SUMF1: variants seen among roughly 807,000 people sequenced by gnomAD.
SUMF1 encodes the protein formylglycine-generating enzyme.
In SUMF1, 48 loss-of-function variants were observed where a neutral mutation model predicts 47.6. The ratio of observed to expected loss-of-function variants is 1.01; its 90% confidence interval spans 0.80 to 1.28. The LOEUF is 1.28. SUMF1 is among the 50% of genes most tolerant of loss of function. The probability of loss-of-function intolerance (pLI) is 0.00; values close to 1 mark genes in which losing one functional copy is unlikely to be tolerated. For missense variants in SUMF1, 571 were observed against 485.4 expected (o/e 1.18, Z -1.66); for synonymous variants, 230 against 192.1 (o/e 1.20, Z -1.63).
At chr3:4,244,646 C>G (rs1044421688) in intron 8 of SUMF1, among the ~76,000 whole-genome samples, 1 of 152,140 alleles carries the variant, frequency 6.6e-6, no homozygotes, top group Non-Finnish European at 1.5e-5. Flanking sequence ...GATGGGCTTC[C>G]CTTTGTGTGT....
intron 8 of SUMF1, among the ~76,000 whole-genome samples, chr3:4,243,145 T>C (rs781750236): frequency 6.6e-5 from 10 of 152,210 alleles, no homozygotes; most frequent in Non-Finnish European, 1.3e-4. Context: ...TATTTGATTC[T>C]TCCCTCTTTT....
chr3:4,318,862 C>T (rs536436292), intron 8 of SUMF1, among the ~76,000 whole-genome samples: 1 of 152,246 alleles, frequency 6.6e-6, no homozygotes, highest in East Asian at 1.9e-4. Context: ...GCTGAGATTA[C>T]ACCACTGCAC....
At chr3:4,041,159 G>A (rs950739938) in intron 9 of SUMF1, among the ~76,000 whole-genome samples, 6 of 152,056 alleles carry the variant, frequency 3.9e-5, no homozygotes, top group East Asian at 1.9e-4. Flanking sequence ...CGCAACCTCC[G>A]CCTCCGGAGT....
chr3:4,313,922 C>A, intron 8 of SUMF1: 1 of 1,309,642 alleles, frequency 7.6e-7, no homozygotes, highest in Non-Finnish European at 1.0e-6. Flanking sequence ...TAGAATTCTC[C>A]ATTTAACAAA....
Position 4,404,736 on chromosome 3 carries a change from T to G in SUMF1, c.954+6129A>C, listed in dbSNP as rs58537342. On this transcript the variant is annotated intron_variant, in intron 7 of 8. Coordinates refer to ENST00000272902, the MANE Select transcript of SUMF1 (RefSeq NM_182760.4). ...CTGAGATAGTGCCATTGCACTCCAG[T>G]CTGGGCAACAAGAACGAAACTCCGT... Among the ~76,000 whole-genome samples the G allele has an allele frequency of 2.2e-3, 328 of 152,134 alleles. 2 individuals carry two copies. The highest frequency in any genetic ancestry group is 7.6e-3 in the African/African-American group (317 of 41,516).
chr3:4,397,396 T>G (rs983487600), intron 7 of SUMF1, among the ~76,000 whole-genome samples: 2 of 152,206 alleles, frequency 1.3e-5, no homozygotes, highest in African/African-American at 4.8e-5. Flanking sequence ...GGGCCGCATA[T>G]GGTTCTAAGT....
At chr3:4,088,158 A>T (rs898445822) in intron 8 of SUMF1, among the ~76,000 whole-genome samples, 11 of 152,030 alleles carry the variant, frequency 7.2e-5, no homozygotes, top group Non-Finnish European at 1.5e-4. Context: ...TTCTCTTTGG[A>T]CACCTCTGAT....
At position 4,213,360 on chromosome 3, in the gene SUMF1, G is replaced by A. The variant is rs78101782; in HGVS notation, c.1015-144615C>T. On this transcript the variant is annotated intron_variant and NMD_transcript_variant, in intron 8 of 12. Transcript: ENST00000448413. ...TAAAATCCTTTACAGACAAGCAAAT[G>A]CTTTAAGATTTTGTCACCACCAGGC... is the stretch of plus-strand genomic sequence containing the variant. 5.3e-3 allele frequency among the ~76,000 whole-genome samples: 806 copies of A among 152,164 alleles called. 10 individuals are homozygous for A. Among genetic ancestry groups the A allele is most frequent in the African/African-American group, 0.018 (761 of 41,516 alleles).
chr3:4,303,944 A>G (rs949428285), intron 8 of SUMF1: 9 of 1,059,186 alleles, frequency 8.5e-6, no homozygotes, highest in Non-Finnish European at 8.6e-6. Flanking sequence ...AGTCAGCCTT[A>G]GCTGTGGTCT....
intron 8 of SUMF1, among the ~76,000 whole-genome samples, chr3:4,082,313 C>CA (rs746062085): frequency 1.2e-4 from 18 of 151,006 alleles, no homozygotes; most frequent in Non-Finnish European, 1.8e-4. Context: ...ACAAAAAGTA[C>CA]AAAAAAAATA....
downstream of SUMF1, among the ~76,000 whole-genome samples, chr3:4,356,940 G>T (rs182316566): frequency 6.6e-6 from 1 of 152,286 alleles, no homozygotes; most frequent in Admixed American, 6.5e-5. Context: ...TAAATCTAGT[G>T]ATTTATTTAG....
In SUMF1 at chr3:4,222,566, C is replaced by T. The variant is rs555965226; in HGVS notation, c.1014+153764G>A. The stretch of plus-strand genomic sequence containing the variant: ...GTTTGTGAGTTACTCCCCTCAGCAG[C>T]CCCCACACCTTGTTCCTAGCTCTCT... On this transcript the variant is annotated intron_variant and NMD_transcript_variant, in intron 8 of 12. Transcript: ENST00000448413. Among the ~76,000 whole-genome samples, 17 of 152,048 alleles carry T rather than the reference C, an allele frequency of 1.1e-4. No homozygotes were observed. The South Asian group carries it at 3.5e-3, about 32-fold the overall frequency.
intron 8 of SUMF1, among the ~76,000 whole-genome samples, chr3:4,292,612 G>T (rs1370584047): frequency 1.3e-5 from 2 of 152,166 alleles, no homozygotes; most frequent in Admixed American, 1.3e-4. Flanking sequence ...TTCCCTTTGT[G>T]CTTGAAAGCC....
intron 6 of SUMF1, chr3:4,414,893 T>C (rs1350140195): frequency 6.6e-6 from 1 of 152,214 alleles, no homozygotes; most frequent in African/African-American, 2.4e-5. Context: ...GAAAACCCTG[T>C]CATGGCCTTT....
chr3:4,262,239 C>T (rs770660779), intron 8 of SUMF1, among the ~76,000 whole-genome samples: 32 of 152,242 alleles, frequency 2.1e-4, no homozygotes, highest in Admixed American at 5.9e-4. Context: ...CTCAGCACAA[C>T]CTCCGAAGTG....
At chr3:4,083,722 T>C (rs558194136) in intron 8 of SUMF1, among the ~76,000 whole-genome samples, 8 of 152,130 alleles carry the variant, frequency 5.3e-5, no homozygotes, top group African/African-American at 1.9e-4. Flanking sequence ...CAAAGATATA[T>C]GTGACATCAT....
chr3:4,389,874 G>A (rs1050125661), intron 7 of SUMF1, among the ~76,000 whole-genome samples: 21 of 152,154 alleles, frequency 1.4e-4, no homozygotes, highest in Admixed American at 2.6e-4. Context: ...TTTCAAGTGC[G>A]ATCATAGTTG....
chr3:4,172,911 G>A (rs1242434138), intron 8 of SUMF1, among the ~76,000 whole-genome samples: 1 of 152,124 alleles, frequency 6.6e-6, no homozygotes, highest in Non-Finnish European at 1.5e-5. Context: ...TGGCATTTTA[G>A]TCATGAAGTC....
At chr3:4,356,065 C>G (rs948309279) in intron 8 of SUMF1, among the ~76,000 whole-genome samples, 2 of 152,262 alleles carry the variant, frequency 1.3e-5, no homozygotes, top group East Asian at 3.9e-4. Flanking sequence ...CTCTAATGGT[C>G]TAAACACAAG....
Sources: allele counts gnomAD v4.1 joint callset (sites outside exome capture counted in the v4.1 genomes callset), GRCh38; gene constraint gnomAD v4.1.1; transcripts MANE v1.5; gene names NCBI Gene and HGNC (gene_info 2026-07-23, HGNC 2026-07-21).